Variants in KCNIP4 observed in about 807,000 individuals in gnomAD.
KCNIP4 encodes the protein potassium voltage-gated channel interacting protein 4.
In KCNIP4, 12 loss-of-function variants were observed where a neutral mutation model predicts 34.0. That is an observed-to-expected ratio of 0.35 (90% CI 0.23 to 0.57). The LOEUF is 0.57. Ranked by LOEUF, KCNIP4 falls within the 20% of genes least tolerant of loss-of-function variation. The probability of loss-of-function intolerance (pLI) is 0.83; values close to 1 mark genes in which losing one functional copy is unlikely to be tolerated. For synonymous variants in KCNIP4, 124 were observed against 102.2 expected (o/e 1.21, Z -1.29); for missense variants, 238 against 311.7 (o/e 0.76, Z 1.78).
chr4:21,371,292 G>C lies in KCNIP4; in HGVS notation c.62-488583C>G, dbSNP rs747591875. On this transcript the variant is annotated intron_variant, in intron 1 of 8. Coordinates refer to ENST00000382152, the MANE Select transcript of KCNIP4 (RefSeq NM_025221.6). ...ATTTATGGGATTTGAATACATGAGAGGTAAAAGAAAGAACAATGTAGGCAA... is the reference window on the plus strand; with the variant it reads ...ATTTATGGGATTTGAATACATGAGACGTAAAAGAAAGAACAATGTAGGCAA... Among the ~76,000 whole-genome samples, 4 of 146,256 alleles carry C rather than the reference G, an allele frequency of 2.7e-5. 1 individual carries two copies. Among genetic ancestry groups the C allele is most frequent in the African/African-American group, 5.5e-5 (2 of 36,192 alleles).
intron 1 of KCNIP4, among the ~76,000 whole-genome samples, chr4:21,213,911 C>T (rs965034972): frequency 6.6e-6 from 1 of 152,172 alleles, no homozygotes; most frequent in Admixed American, 6.5e-5. Context: ...TCACATTCTT[C>T]TTTTGCCTCT....
At chr4:20,961,721 G>T (rs1375285785) in intron 1 of KCNIP4, among the ~76,000 whole-genome samples, 32 of 152,130 alleles carry the variant, frequency 2.1e-4, no homozygotes, top group Non-Finnish European at 1.2e-4. Context: ...TGAAAATTCT[G>T]ATCTCAGAGG....
chr4:20,755,620 A>C (rs1754343860), intron 4 of KCNIP4, among the ~76,000 whole-genome samples: 1 of 152,208 alleles, frequency 6.6e-6, no homozygotes, highest in South Asian at 2.1e-4. Flanking sequence ...AATATATATT[A>C]TTGGATTGTC....
In KCNIP4 at chr4:21,170,154, CA is replaced by C. The variant is rs545771776; in HGVS notation, c.62-287446del. ...TATTTTTGGAAATTGTTCTGATAGT[CA>C]AACTAGATAGTAGATTCCCCATTCA... On this transcript the variant is annotated intron_variant, in intron 1 of 8. Transcript: ENST00000382152. 3.2e-3 allele frequency among the ~76,000 whole-genome samples: 486 copies of C among 152,154 alleles called. 3 individuals carry two copies. The highest frequency in any genetic ancestry group is 0.011 in the African/African-American group (460 of 41,522).
rs1178220512 is a variant in KCNIP4, at chr4:21,512,166, GAGGGAGGA to G, written c.61+436397_61+436404del. On this transcript the variant is annotated intron_variant, in intron 1 of 8. Transcript: ENST00000382152. ...AAAGGAAGCAAGGGAGGGAGGGAGG[GAGGGAGGA>G]AGGAAGGAACGAACGAAGGAACGAA... Among the ~76,000 whole-genome samples, 807 of 128,058 alleles carry G rather than the reference GAGGGAGGA, an allele frequency of 6.3e-3. 10 individuals carry two copies. Among genetic ancestry groups the G allele is most frequent in the African/African-American group, 0.024 (773 of 32,478 alleles). The allele number at this position is 128,058 out of a possible 152,430, so 84.0% of individuals were successfully genotyped here. A position where few individuals can be genotyped will look rare whatever the true frequency, so the allele number is the denominator to read the frequency against.
chr4:21,437,893 G>A (rs1418446687), intron 1 of KCNIP4, among the ~76,000 whole-genome samples: 4 of 146,390 alleles, frequency 2.7e-5, no homozygotes, highest in Non-Finnish European at 5.9e-5. Flanking sequence ...GTGTGTGTGT[G>A]TGTGTGTGTG....
At chr4:21,601,515 C>T (rs1234546442) in intron 1 of KCNIP4, among the ~76,000 whole-genome samples, 1 of 151,892 alleles carries the variant, frequency 6.6e-6, no homozygotes, top group African/African-American at 2.4e-5. Context: ...CTTTCTCTTC[C>T]CCTAAACATG....
chr4:21,177,570 T>C (rs1470202808), intron 1 of KCNIP4, among the ~76,000 whole-genome samples: 1 of 151,960 alleles, frequency 6.6e-6, no homozygotes, highest in Non-Finnish European at 1.5e-5. Flanking sequence ...CTCACACCTG[T>C]AGGGGTCGCA....
Position 21,757,260 on chromosome 4 carries a change from AAGAAAAGAAAAGAAAAGAAAAGAAAAG to A in KCNIP4, c.61+191284_61+191310del, listed in dbSNP as rs1434452411. ...GAAAGAAAGAAAGAAAAGAAAAGAA[AAGAAAAGAAAAGAAAAGAAAAGAAAAG>A]AGAAAAGAAAAGAAAAGAGAAAAGA... On this transcript the variant is annotated intron_variant, in intron 1 of 8. Coordinates refer to ENST00000382152, the MANE Select transcript of KCNIP4 (RefSeq NM_025221.6). Among the ~76,000 whole-genome samples the A allele has an allele frequency of 9.4e-3, 288 of 30,784 alleles. 14 individuals carry two copies. The highest frequency in any genetic ancestry group is 0.027 in the Middle Eastern group (2 of 74). 20.2% of individuals were successfully genotyped at this position (30,784 alleles called of 152,430 possible). A position where few individuals can be genotyped will look rare whatever the true frequency, so the allele number is the denominator to read the frequency against.
At chr4:21,436,356 T>A (rs1560403737) in intron 1 of KCNIP4, among the ~76,000 whole-genome samples, 1 of 152,338 alleles carries the variant, frequency 6.6e-6, no homozygotes, top group East Asian at 1.9e-4. Flanking sequence ...TTCCAGGAAC[T>A]TGAGGTTGCC....
Position 20,734,679 on chromosome 4 carries a change from A to AT in KCNIP4, c.485dup (p.Asn162LysfsTer5). ...TTATGTCATACAGATTAAATGCCCA[A>AT]TTGAGTTTTTCTTGTACTGTCCCCC... On this transcript the variant is annotated frameshift_variant, in exon 6 of 9. Transcript: ENST00000382152. LOFTEE classifies it high-confidence loss of function. 6.2e-7 allele frequency: 1 copy of AT among 1,603,888 alleles called. No individual in the cohort carries two copies. The highest frequency in any genetic ancestry group is 1.1e-5 in the South Asian group (1 of 88,852).
intron 1 of KCNIP4, among the ~76,000 whole-genome samples, chr4:21,864,148 T>C (rs1489499081): frequency 6.6e-6 from 1 of 152,232 alleles, no homozygotes; most frequent in African/African-American, 2.4e-5. Flanking sequence ...AGATGGGTTA[T>C]AGTTTTCAGC....
chr4:21,404,231 A>G (rs2109563727), intron 1 of KCNIP4, among the ~76,000 whole-genome samples: 1 of 152,274 alleles, frequency 6.6e-6, no homozygotes, highest in East Asian at 1.9e-4. Context: ...GTTCTCACCC[A>G]CCAGCTTCAT....
At chr4:21,808,450 T>C (rs150840852) in intron 1 of KCNIP4, among the ~76,000 whole-genome samples, 10 of 152,294 alleles carry the variant, frequency 6.6e-5, no homozygotes, top group African/African-American at 2.4e-4. Flanking sequence ...ATCATCTTAA[T>C]ATTTTCTTTT....
At chr4:21,308,575 G>C (rs1463760246) in intron 1 of KCNIP4, among the ~76,000 whole-genome samples, 8 of 152,140 alleles carry the variant, frequency 5.3e-5, no homozygotes, top group Non-Finnish European at 1.5e-5. Flanking sequence ...ACAGTGGCCA[G>C]GAATACCCAA....
chr4:21,729,108 T>C (rs2109107809), intron 1 of KCNIP4, among the ~76,000 whole-genome samples: 1 of 152,298 alleles, frequency 6.6e-6, no homozygotes, highest in African/African-American at 2.4e-5. Flanking sequence ...TTTATCTTTG[T>C]GCTAAGTGCT....
At chr4:20,962,024 C>T (rs373267414) in intron 1 of KCNIP4, among the ~76,000 whole-genome samples, 30 of 152,224 alleles carry the variant, frequency 2.0e-4, no homozygotes, top group African/African-American at 7.0e-4. Flanking sequence ...CCTGGCATCA[C>T]TTGACTCACT....
rs140639845 is a variant in KCNIP4, at chr4:21,446,948, A to T, written c.61+501623T>A. 3.0e-4 allele frequency among the ~76,000 whole-genome samples: 45 copies of T among 152,128 alleles called. 1 individual carries two copies. The East Asian group carries it at 5.0e-3, about 17-fold the overall frequency. Reference sequence around the variant, plus strand: ...ACTTTAGTTGAAGGACATCTCGATTATTCCAGTTTCAGGTGATTATAAATA... The same window carrying T: ...ACTTTAGTTGAAGGACATCTCGATTTTTCCAGTTTCAGGTGATTATAAATA... On this transcript the variant is annotated intron_variant, in intron 1 of 8. Coordinates refer to ENST00000382152, the MANE Select transcript of KCNIP4 (RefSeq NM_025221.6).
At chr4:21,573,124 G>A (rs1270894308) in intron 1 of KCNIP4, among the ~76,000 whole-genome samples, 1 of 152,094 alleles carries the variant, frequency 6.6e-6, no homozygotes, top group East Asian at 1.9e-4. Flanking sequence ...GTAAACAGTG[G>A]GAATGGTCAT....
Sources: allele counts gnomAD v4.1 joint callset (sites outside exome capture counted in the v4.1 genomes callset), GRCh38; gene constraint gnomAD v4.1.1; transcripts MANE v1.5; gene names NCBI Gene and HGNC (gene_info 2026-07-23, HGNC 2026-07-21).